Variants in DRC9 observed in about 807,000 individuals in gnomAD.
The protein encoded by DRC9 is dynein regulatory complex protein 9.
the DRC9 span, among the ~76,000 whole-genome samples, chr3:197,916,881 TAAA>T: frequency 7.2e-6 from 1 of 139,292 alleles, no homozygotes; most frequent in Non-Finnish European, 1.6e-5. Flanking sequence ...AATGATGAAC[TAAA>T]AAAAAAAAAA....
chr3:197,918,987 T>A, the DRC9 span, among the ~76,000 whole-genome samples: 4 of 151,958 alleles, frequency 2.6e-5, no homozygotes, highest in African/African-American at 9.7e-5. Context: ...TTTGTATTTT[T>A]AGTAGAGACA....
the DRC9 span, among the ~76,000 whole-genome samples, chr3:197,903,190 T>C: frequency 6.6e-6 from 1 of 152,148 alleles, no homozygotes; most frequent in African/African-American, 2.4e-5. Context: ...AAATCAAAAT[T>C]GGTTAAAGAG....
the DRC9 span, chr3:197,950,453 G>A: frequency 7.0e-6 from 4 of 570,216 alleles, no homozygotes; most frequent in East Asian, 5.0e-5. Context: ...GGGCCTGAAC[G>A]GAGTGAAACG....
the DRC9 span, among the ~76,000 whole-genome samples, chr3:197,948,943 A>G: frequency 6.6e-6 from 1 of 152,170 alleles, no homozygotes; most frequent in African/African-American, 2.4e-5. Flanking sequence ...TTCACTTTCA[A>G]CACAGTGACT....
At chr3:197,938,183 G>T in the DRC9 span, among the ~76,000 whole-genome samples, 1 of 151,842 alleles carries the variant, frequency 6.6e-6, no homozygotes, top group Admixed American at 6.6e-5. Flanking sequence ...CGGGCATGGT[G>T]GCGTGCACCT....
At chr3:197,913,717 G>A in the DRC9 span, 2 of 774,296 alleles carry the variant, frequency 2.6e-6, no homozygotes, top group Non-Finnish European at 4.6e-6. Context: ...TTGCGAACAC[G>A]CATATCCTCA....
the DRC9 span, chr3:197,956,849 C>T: frequency 6.6e-6 from 1 of 152,100 alleles, no homozygotes; most frequent in Admixed American, 6.6e-5. Flanking sequence ...GGTAGTACTA[C>T]ATTTCTAACT....
the DRC9 span, among the ~76,000 whole-genome samples, chr3:197,917,043 G>A: frequency 1.3e-5 from 2 of 152,224 alleles, no homozygotes; most frequent in South Asian, 4.1e-4. Flanking sequence ...CAACCTGGTG[G>A]GGTGGCTCAC....
At chr3:197,952,836 C>CT in the DRC9 span, among the ~76,000 whole-genome samples, 2,638 of 144,198 alleles carry the variant, frequency 0.018, 45 homozygotes, top group African/African-American at 0.044. Flanking sequence ...ATGCTGTAGA[C>CT]TTTTTTTTTT....
chr3:197,948,999 C>T, the DRC9 span, among the ~76,000 whole-genome samples: 1 of 152,146 alleles, frequency 6.6e-6, no homozygotes, highest in African/African-American at 2.4e-5. Context: ...GTTCAGGACC[C>T]TTAAATAGTT....
chr3:197,903,668 T>C, the DRC9 span, among the ~76,000 whole-genome samples: 1 of 152,084 alleles, frequency 6.6e-6, no homozygotes, highest in African/African-American at 2.4e-5. Context: ...AAAAGGCTTC[T>C]GCATAGCAAA....
chr3:197,891,607 C>G, the DRC9 span: 1 of 860,776 alleles, frequency 1.2e-6, no homozygotes, highest in Non-Finnish European at 1.9e-6. Context: ...TGTAGCCCAG[C>G]CAGCCCTGCA....
the DRC9 span, among the ~76,000 whole-genome samples, chr3:197,896,691 T>C: frequency 1.3e-5 from 2 of 152,238 alleles, no homozygotes; most frequent in African/African-American, 4.8e-5. Flanking sequence ...CTTCCTAGAC[T>C]GCCATCTCTG....
the DRC9 span, among the ~76,000 whole-genome samples, chr3:197,926,838 G>A: frequency 6.6e-6 from 1 of 152,108 alleles, no homozygotes; most frequent in Non-Finnish European, 1.5e-5. Flanking sequence ...GCCTTGCACT[G>A]GTTCTGAAGG....
chr3:197,892,836 G>A, the DRC9 span: 4 of 1,549,926 alleles, frequency 2.6e-6, no homozygotes, highest in East Asian at 2.3e-5. Context: ...ACTTATACGA[G>A]TTTCAAGATT....
the DRC9 span, among the ~76,000 whole-genome samples, chr3:197,920,973 G>C: frequency 1.3e-5 from 2 of 152,300 alleles, no homozygotes; most frequent in East Asian, 3.9e-4. Context: ...TCCCTAATGT[G>C]CATATACTTC....
chr3:197,916,881 T>TAAA, the DRC9 span, among the ~76,000 whole-genome samples: 2 of 139,302 alleles, frequency 1.4e-5, no homozygotes, highest in African/African-American at 5.2e-5. Flanking sequence ...AATGATGAAC[T>TAAA]AAAAAAAAAA....
chr3:197,931,343 G>C, the DRC9 span, among the ~76,000 whole-genome samples: 4 of 151,852 alleles, frequency 2.6e-5, no homozygotes, highest in Non-Finnish European at 4.4e-5. Flanking sequence ...TTAGCCAGGC[G>C]TGGTGGCAGG....
At chr3:197,951,348 G>A in the DRC9 span, 4 of 1,606,542 alleles carry the variant, frequency 2.5e-6, no homozygotes, top group Non-Finnish European at 3.4e-6. Context: ...GGGTTTTTGA[G>A]ATCTGCCTCA....
Sources: allele counts gnomAD v4.1 joint callset (sites outside exome capture counted in the v4.1 genomes callset), GRCh38; gene constraint gnomAD v4.1.1; transcripts MANE v1.5; gene names NCBI Gene and HGNC (gene_info 2026-07-23, HGNC 2026-07-21).